GATA3: variants seen among roughly 807,000 people sequenced by gnomAD.
GATA3 encodes the protein trans-acting T-cell-specific transcription factor GATA-3.
Under a neutral mutation model 36.0 loss-of-function variants are expected in GATA3, and 6 were observed. The observed-to-expected ratio is 0.17, with a 90% CI of 0.09 to 0.33. The LOEUF is 0.33. GATA3 is among the 10% of genes least tolerant of loss of function. The pLI, the probability that GATA3 is intolerant of heterozygous loss-of-function variation, is 1.00. For missense variants in GATA3, 514 were observed against 610.1 expected (o/e 0.84, Z 1.66); for synonymous variants, 326 against 273.0 (o/e 1.19, Z -1.92).
intron 1 of GATA3, among the ~76,000 whole-genome samples, chr10:8,046,365 G>C (rs1365048830): frequency 1.3e-5 from 2 of 152,210 alleles, no homozygotes; most frequent in Non-Finnish European, 2.9e-5. Context: ...TCTGGCAAGG[G>C]CAGGGGGGAA....
chr10:8,049,352 T>G (rs1832433147), upstream of GATA3, among the ~76,000 whole-genome samples: 1 of 152,196 alleles, frequency 6.6e-6, no homozygotes, highest in Non-Finnish European at 1.5e-5. Context: ...CTCTCTGGGT[T>G]TTGTTTGAAG....
At chr10:8,068,595 T>C (rs1291389860) in intron 4 of GATA3, among the ~76,000 whole-genome samples, 2 of 151,984 alleles carry the variant, frequency 1.3e-5, no homozygotes, top group Admixed American at 1.3e-4. Context: ...CTACTAAAAA[T>C]AGAAAAATTA....
At chr10:8,070,067 G>A (rs1186274902) in intron 5 of GATA3, among the ~76,000 whole-genome samples, 1 of 152,214 alleles carries the variant, frequency 6.6e-6, no homozygotes, top group African/African-American at 2.4e-5. Flanking sequence ...GAGGTAAAAA[G>A]TCTTGGCTAA....
At chr10:8,073,598 A>C in intron 5 of GATA3, 141 bp from the exon 6 acceptor site, 1 of 861,706 alleles carries the variant, frequency 1.2e-6, no homozygotes, top group Non-Finnish European at 1.8e-6. Context: ...AGAAGGTGGG[A>C]GGGAGGAAGG....
intron 4 of GATA3, among the ~76,000 whole-genome samples, chr10:8,067,537 G>GGAGTGA (rs1832861907): frequency 1.3e-5 from 2 of 152,156 alleles, no homozygotes; most frequent in Non-Finnish European, 1.5e-5. Flanking sequence ...CAGAATCCCA[G>GGAGTGA]GCCGGGTGCG....
Position 8,058,435 on chromosome 10 carries a change from C to A in GATA3, c.372C>A (p.His124Gln), listed in dbSNP as rs780648121. 1.2e-6 allele frequency: 2 copies of A among 1,612,662 alleles called. No homozygotes were observed. The highest frequency in any genetic ancestry group is 1.7e-6 in the Non-Finnish European group (2 of 1,179,936). ...LSPFSKTSIH[H>Q]GSPGPLSVYP... ...CCTTCTCCAAGACGTCCATCCACCA[C>A]GGCTCCCCGGGGCCCCTCTCCGTCT... is the stretch of plus-strand genomic sequence containing the variant. Residue 124 changes from histidine to glutamine, a missense_variant, in exon 3 of 6, where the codon CAC becomes CAA. Transcript: ENST00000379328.
chr10:8,060,540 T>TC (rs1000964908), intron 3 of GATA3, among the ~76,000 whole-genome samples: 32 of 151,266 alleles, frequency 2.1e-4, no homozygotes, highest in Non-Finnish European at 3.5e-4. Flanking sequence ...TTTTTCTTTT[T>TC]TTTTTAAAGT....
In GATA3 at chr10:8,055,404, C is replaced by T; in HGVS notation, c.-252C>T. On this transcript the variant is annotated 5_prime_UTR_variant, in exon 2 of 6. Transcript: ENST00000379328. This position sits in a 1 kb window ranked among gnomAD's most constrained non-coding sequence, Gnocchi z 5.4. The stretch of plus-strand genomic sequence containing the variant: ...ACAACCTGGTCCCGTTTTATTCTGC[C>T]GTACCCAGTTTTTGGATTTTTGTCT... 2 of 577,078 alleles carry T rather than the reference C, an allele frequency of 3.5e-6. No homozygotes were observed. Among genetic ancestry groups the T allele is most frequent in the Non-Finnish European group, 6.2e-6 (2 of 323,638 alleles). The allele number at this position is 577,078 out of a possible 1,614,324, so 35.7% of individuals were successfully genotyped here.
intron 4 of GATA3, among the ~76,000 whole-genome samples, chr10:8,066,495 A>G (rs1361723032): frequency 2.6e-5 from 4 of 151,332 alleles, no homozygotes; most frequent in African/African-American, 9.7e-5. Context: ...CTGAACACCT[A>G]GAACCCTTTG....
chr10:8,070,570 C>T (rs1588389455), intron 5 of GATA3, among the ~76,000 whole-genome samples: 2 of 152,046 alleles, frequency 1.3e-5, no homozygotes, highest in African/African-American at 4.8e-5. Flanking sequence ...TGGCAAAGTC[C>T]GGGGCTGAAC....
chr10:8,067,761 T>C (rs1832869095), intron 4 of GATA3, among the ~76,000 whole-genome samples: 1 of 152,180 alleles, frequency 6.6e-6, no homozygotes, highest in East Asian at 1.9e-4. Flanking sequence ...GAGCTTGCAG[T>C]GAGCCGAGAT....
upstream of GATA3, chr10:8,051,128 G>A: frequency 2.0e-6 from 1 of 507,670 alleles, no homozygotes; most frequent in South Asian, 1.5e-5. Flanking sequence ...CTTCCACTGG[G>A]ACAGGGTCTC....
chr10:8,050,459 C>A (rs1832455471), upstream of GATA3: 1 of 152,728 alleles, frequency 6.5e-6, no homozygotes, highest in South Asian at 2.0e-4. Context: ...GGCCGCTTCA[C>A]ACCGTTTTTA....
chr10:8,055,285 A>T lies in GATA3; in HGVS notation c.-369-2A>T, dbSNP rs1832607392. On this transcript the variant is annotated splice_acceptor_variant, in intron 1 of 5. Transcript: ENST00000379328. LOFTEE classifies it low-confidence loss of function (5UTR_SPLICE). This position sits in a 1 kb window ranked among gnomAD's most constrained non-coding sequence, Gnocchi z 5.4. ...CCAGGTCTCCCATTCTCTCCCTTGC[A>T]GGTGACCCGAGGAGGGACTCCGCCT... 3 of 408,228 alleles carry T rather than the reference A, an allele frequency of 7.3e-6. No homozygotes were observed. The highest frequency in any genetic ancestry group is 4.3e-5 in the Admixed American group (1 of 23,264). The allele number at this position is 408,228 out of a possible 1,614,324, so 25.3% of individuals were successfully genotyped here.
intron 5 of GATA3, among the ~76,000 whole-genome samples, chr10:8,071,671 T>G (rs1832933652): frequency 6.6e-6 from 1 of 152,218 alleles, no homozygotes; most frequent in Non-Finnish European, 1.5e-5. Flanking sequence ...TTCTCTGGTT[T>G]ACCAGGAATT....
At chr10:8,049,974 C>G (rs1464936859), upstream of GATA3, among the ~76,000 whole-genome samples, 1 of 152,162 alleles carries the variant, frequency 6.6e-6, no homozygotes, top group Middle Eastern at 3.2e-3. Flanking sequence ...ACGCGCGCCG[C>G]GAAAGGCGCG....
At position 8,058,337 on chromosome 10, in the gene GATA3, G is replaced by A. The variant is rs142732425; in HGVS notation, c.274G>A (p.Gly92Arg). ...GGTGTGCCGCCCGCCTCTGCTTCAT[G>A]GATCCCTACCCTGGCTGGACGGCGG... ...SQVCRPPLLH[G>R]SLPWLDGGKA... Residue 92 changes from glycine (G) to arginine (R), a missense_variant, in exon 3 of 6, where the codon GGA (glycine) becomes AGA (arginine). Coordinates refer to ENST00000379328, the MANE Select transcript of GATA3 (RefSeq NM_001002295.2). 1.9e-6 allele frequency: 3 copies of A among 1,613,306 alleles called. No homozygotes were observed. The highest frequency in any genetic ancestry group is 3.3e-4 in the Middle Eastern group (2 of 6,082).
upstream of GATA3, among the ~76,000 whole-genome samples, chr10:8,054,453 C>G (rs1832580546): frequency 6.6e-6 from 1 of 152,150 alleles, no homozygotes; most frequent in African/African-American, 2.4e-5. The surrounding 1 kb of genome is among the most constrained non-coding windows in gnomAD (Gnocchi z 4.2). Flanking sequence ...CTCGCCCACC[C>G]TGCCCGCCGC....
At chr10:8,049,414 A>C (rs1244181), upstream of GATA3, among the ~76,000 whole-genome samples, 11 of 152,318 alleles carry the variant, frequency 7.2e-5, no homozygotes, top group East Asian at 2.1e-3. Context: ...CCACTGCCCG[A>C]CTGCCTTTTC....
Sources: allele counts gnomAD v4.1 joint callset (sites outside exome capture counted in the v4.1 genomes callset), GRCh38; gene constraint gnomAD v4.1.1; non-coding constraint Gnocchi (gnomAD v3.1); transcripts MANE v1.5; gene names NCBI Gene and HGNC (gene_info 2026-07-23, HGNC 2026-07-21).